NUP85: variants seen among roughly 807,000 people sequenced by gnomAD.
The protein encoded by NUP85 is nuclear pore complex protein Nup85.
Under a neutral mutation model 92.8 loss-of-function variants are expected in NUP85, and 23 were observed. The ratio of observed to expected loss-of-function variants is 0.25; its 90% confidence interval spans 0.18 to 0.35. The LOEUF (loss-of-function observed/expected upper bound fraction) is 0.35, where lower values mean the gene tolerates loss of function less well. Among genes scored for constraint, NUP85 ranks in the 10% least tolerant of loss-of-function variants. The probability of loss-of-function intolerance (pLI) is 1.00; values close to 1 mark genes in which losing one functional copy is unlikely to be tolerated. For synonymous variants in NUP85, 314 were observed against 306.9 expected, an observed-to-expected ratio of 1.02 and a Z score of -0.24; for missense variants, 759 against 822.8, an observed-to-expected ratio of 0.92 and a Z score of 0.95.
intron 16 of NUP85, among the ~76,000 whole-genome samples, chr17:75,233,404 T>TCTTTCC (rs2076164927): frequency 3.5e-5 from 4 of 113,558 alleles, no homozygotes; most frequent in African/African-American, 1.1e-4. Context: ...TTTCTCTTTC[T>TCTTTCC]CTTTCTTTCT....
In NUP85 at chr17:75,228,486, T is replaced by C. The variant is rs1005384385; in HGVS notation, c.1094+2329T>C. The C allele has an allele frequency of 7.1e-6, 7 of 985,284 alleles. No individual in the cohort carries two copies. In the African/African-American group the frequency reaches 1.0e-4, roughly 15 times the overall value. 61.0% of individuals were successfully genotyped at this position (985,284 alleles called of 1,614,324 possible). ...AAAGCAGAGCTTGTCCCAGGAATTG[T>C]GAAATGGGCTGCAATGTCTTCAGAG... On this transcript the variant is annotated intron_variant, in intron 11 of 18. Coordinates refer to ENST00000245544, the MANE Select transcript of NUP85 (RefSeq NM_024844.5).
intron 9 of NUP85, 55 bp from the exon 10 acceptor site, chr17:75,225,643 T>A (rs1336838591): frequency 3.1e-6 from 5 of 1,606,530 alleles, no homozygotes; most frequent in Non-Finnish European, 4.3e-6. Flanking sequence ...AGGAGCATTA[T>A]GGAGAAGGTA....
At chr17:75,234,086 C>CT (rs2076223264) in intron 16 of NUP85, among the ~76,000 whole-genome samples, 1 of 139,900 alleles carries the variant, frequency 7.1e-6, no homozygotes, top group Non-Finnish European at 1.5e-5. Flanking sequence ...GAGTCTCACT[C>CT]TGTCGCCCAC....
intron 1 of NUP85, 107 bp from the exon 2 acceptor site, chr17:75,208,420 G>A: frequency 1.4e-6 from 1 of 718,762 alleles, no homozygotes. Flanking sequence ...ACACCAGCCT[G>A]TTAGAGTGAG....
intron 18 of NUP85, 70 bp downstream of exon 18, chr17:75,235,271 C>T: frequency 8.6e-7 from 1 of 1,159,352 alleles, no homozygotes; most frequent in Non-Finnish European, 1.3e-6. Flanking sequence ...TCAGGCTTCC[C>T]CTTCCCTCCA....
At chr17:75,218,116 C>T in intron 6 of NUP85, 69 bp from the exon 7 acceptor site, 1 of 1,605,578 alleles carries the variant, frequency 6.2e-7, no homozygotes, top group Non-Finnish European at 8.5e-7. Flanking sequence ...GTTCTCTGTT[C>T]CTTGGATAAA....
intron 11 of NUP85, chr17:75,229,118 T>C: frequency 2.0e-6 from 2 of 985,430 alleles, no homozygotes; most frequent in Non-Finnish European, 2.4e-6. Flanking sequence ...CCTCCAAAAG[T>C]ATCGAGCTAA....
intron 11 of NUP85, among the ~76,000 whole-genome samples, chr17:75,230,835 G>C (rs1334294952): frequency 1.3e-5 from 2 of 152,012 alleles, no homozygotes; most frequent in East Asian, 3.9e-4. Context: ...CATGAGAATT[G>C]CTTGAACCTG....
At position 75,215,756 on chromosome 17, in the gene NUP85, C is replaced by G. The variant is rs1292617220; in HGVS notation, c.408C>G (p.Val136=). The G allele has an allele frequency of 1.2e-6, 2 of 1,613,780 alleles. No homozygotes were observed. The highest frequency in any genetic ancestry group is 3.3e-5 in the Admixed American group (2 of 59,990). ...PANGRQFSSQ[V]SILSAMELIW... is the part of the protein sequence containing the mutation. ...ACCTGTCCCCATTTCTTCCTTAGGT[C>G]TCCATTTTGTCAGCAATGGAGCTCA... The change falls in exon 6 of 19, where the codon GTC becomes GTG. Residue 136 remains valine (V), a splice_region_variant and synonymous_variant. Transcript: ENST00000245544.
chr17:75,230,015 C>T (rs1392876197), intron 11 of NUP85, among the ~76,000 whole-genome samples: 14 of 151,376 alleles, frequency 9.2e-5, no homozygotes, highest in Non-Finnish European at 1.5e-5. Flanking sequence ...GTGTGATTAA[C>T]AAAGTAGTAT....
rs915286239 is a variant in NUP85 at position 75,209,600 on chromosome 17, C to T, written c.128-223C>T. The stretch of plus-strand genomic sequence containing the variant: ...CTGGGAATGAAGGCATGTGCCACCA[C>T]GCCCAGCTAATTTTTGTATTTTTAG... On this transcript the variant is annotated intron_variant, in intron 2 of 18. Coordinates refer to ENST00000245544, the MANE Select transcript of NUP85 (RefSeq NM_024844.5). 2.6e-5 allele frequency among the ~76,000 whole-genome samples: 4 copies of T among 152,114 alleles called. No homozygotes were observed. The East Asian group carries it at 5.8e-4, about 22-fold the overall frequency.
intron 7 of NUP85, among the ~76,000 whole-genome samples, chr17:75,219,869 A>T (rs1458204754): frequency 6.6e-6 from 1 of 152,040 alleles, no homozygotes; most frequent in Non-Finnish European, 1.5e-5. Flanking sequence ...AGCATTCCAG[A>T]TAGCAGGGCC....
At position 75,233,080 on chromosome 17, in the gene NUP85, C is replaced by T. The variant is rs2076140775; in HGVS notation, c.1537C>T (p.Arg513Ter). 6.2e-7 allele frequency: 1 copy of T among 1,614,098 alleles called. No individual in the cohort carries two copies. Among genetic ancestry groups the T allele is most frequent in the Non-Finnish European group, 8.5e-7 (1 of 1,180,022 alleles). Residue 513 changes from arginine to a stop codon, truncating the protein, a stop_gained, in exon 16 of 19, where the codon CGA becomes TGA. Transcript: ENST00000245544. LOFTEE classifies it high-confidence loss of function. ...CAGGTTCCTCAGGGATTACTGTGAGCGAGGCTGCTTTTCTGATTTGGATCT... is the reference window on the plus strand; with the variant it reads ...CAGGTTCCTCAGGGATTACTGTGAGTGAGGCTGCTTTTCTGATTTGGATCT... Reference protein sequence around the residue: ...SDRFLRDYCERGCFSDLDLID... With the variant: ...SDRFLRDYCE
In NUP85 at chr17:75,215,839, C is replaced by A; in HGVS notation, c.475+16C>A. 1 of 1,607,098 alleles carries A rather than the reference C, an allele frequency of 6.2e-7. No homozygotes were observed. Among genetic ancestry groups the A allele is most frequent in the Non-Finnish European group, 8.5e-7 (1 of 1,173,588 alleles). ...GTGGCCCCAGGTAGGCATGGAATAT[C>A]TCACCATAATCTCATAGGTGTCCCC... On this transcript the variant is annotated intron_variant, in intron 6 of 18. Transcript: ENST00000245544.
At chr17:75,220,558 A>G (rs893195917) in intron 7 of NUP85, among the ~76,000 whole-genome samples, 6 of 151,764 alleles carry the variant, frequency 4.0e-5, no homozygotes, top group Non-Finnish European at 2.9e-5. Context: ...GACCACAGAC[A>G]TGTGTTACCA....
intron 7 of NUP85, among the ~76,000 whole-genome samples, chr17:75,219,790 G>A (rs1450661780): frequency 1.3e-5 from 2 of 152,142 alleles, no homozygotes; most frequent in African/African-American, 2.4e-5. Flanking sequence ...GAGGGGCATC[G>A]AAGAAGGCCT....
rs139350131 is a variant in NUP85, at chr17:75,215,954, G to C, written c.475+131G>C. The C allele has an allele frequency of 1.2e-4, 93 of 806,918 alleles. No homozygotes were observed. The African/African-American group carries it at 1.2e-3, about 10-fold the overall frequency. 50.0% of individuals were successfully genotyped at this position (806,918 alleles called of 1,614,324 possible). A position where few individuals can be genotyped will look rare whatever the true frequency, so the allele number is the denominator to read the frequency against. On this transcript the variant is annotated intron_variant, in intron 6 of 18. Coordinates refer to ENST00000245544, the MANE Select transcript of NUP85 (RefSeq NM_024844.5). ...GTTCTTTCCATCATTATAACCACGG[G>C]AAGTCGTTAGAAAACACCCAAAGAA...
intron 3 of NUP85, among the ~76,000 whole-genome samples, chr17:75,210,955 C>T (rs905950947): frequency 6.6e-6 from 1 of 151,194 alleles, no homozygotes; most frequent in Non-Finnish European, 1.5e-5. Context: ...CCTGCTTCGG[C>T]CTCCCAAAGT....
chr17:75,215,912 GT>G, intron 6 of NUP85, 89 bp downstream of exon 6: 1 of 1,127,662 alleles, frequency 8.9e-7, no homozygotes, highest in Non-Finnish European at 1.3e-6. Context: ...GGTGATGAGT[GT>G]TTTATTCCTG....
Sources: allele counts gnomAD v4.1 joint callset (sites outside exome capture counted in the v4.1 genomes callset), GRCh38; gene constraint gnomAD v4.1.1; transcripts MANE v1.5; gene names NCBI Gene and HGNC (gene_info 2026-07-23, HGNC 2026-07-21).